Variants in GOLGA8S observed in about 807,000 individuals in gnomAD.
GOLGA8S encodes golgin subfamily A member 8S.
A neutral mutation model predicts 58.9 loss-of-function variants in GOLGA8S; 23 were observed. The observed-to-expected ratio is 0.39, with a 90% CI of 0.28 to 0.55. The LOEUF (loss-of-function observed/expected upper bound fraction) is 0.55, where lower values mean the gene tolerates loss of function less well. Among genes scored for constraint, GOLGA8S ranks in the 20% least tolerant of loss-of-function variants. The pLI is 0.63. For synonymous variants in GOLGA8S, 84 were observed against 195.7 expected, an observed-to-expected ratio of 0.43 and a Z score of 4.76; for missense variants, 266 against 514.2, an observed-to-expected ratio of 0.52 and a Z score of 4.67.
rs563123088 is a variant in GOLGA8S at position 23,365,088 on chromosome 15, G to C, written c.1832G>C (p.Cys611Ser). The C allele has an allele frequency of 4.0e-5, 64 of 1,583,350 alleles. 1 individual carries two copies. In the East Asian group the frequency reaches 1.2e-3, roughly 30 times the overall value. ...CACCCAGGCTTGGGCAACAACTGCT[G>C]TGTGCCATTCTTTTGCTGGGCTTGG... Residue 611 changes from cysteine (C) to serine (S), a missense_variant, in exon 19 of 19, where the codon TGT (cysteine) becomes TCT (serine). Transcript: ENST00000562295.
rs2069866618 is a variant in GOLGA8S, at chr15:23,364,269, C to T, written c.1348-74C>T. The T allele has an allele frequency of 1.2e-5, 19 of 1,583,112 alleles. 2 individuals are homozygous for T. The highest frequency in any genetic ancestry group is 1.6e-5 in the Non-Finnish European group (19 of 1,168,542). ...TGGCCCATGCCAGGACTCACCTCCA[C>T]CTTCTCCATGACTTGAAAATGCCAC... On this transcript the variant is annotated intron_variant, in intron 15 of 18. Coordinates refer to ENST00000562295, the Ensembl canonical transcript of GOLGA8S.
At chr15:23,365,339 C>T, downstream of GOLGA8S, 4 of 628,050 alleles carry the variant, frequency 6.4e-6, no homozygotes, top group Non-Finnish European at 1.1e-5. Context: ...TTCACTCTGG[C>T]ATCCTTTAGC....
downstream of GOLGA8S, chr15:23,366,768 A>C (rs1484724410): frequency 2.7e-5 from 4 of 148,714 alleles, no homozygotes; most frequent in Admixed American, 1.4e-4. Flanking sequence ...CTCAACAGTT[A>C]AAACTTCATG....
At chr15:23,365,305 G>T, downstream of GOLGA8S, 1 of 753,908 alleles carries the variant, frequency 1.3e-6, no homozygotes, top group East Asian at 2.7e-5. Context: ...AAAAGAGAGT[G>T]GGTGTCTGTG....
exon 19 of GOLGA8S, chr15:23,365,103 G>T: frequency 6.3e-7 from 1 of 1,586,798 alleles, no homozygotes; most frequent in Non-Finnish European, 8.5e-7. Context: ...CCATTCTTTT[G>T]CTGGGCTTGG....
Position 23,364,516 on chromosome 15 carries a change from C to A in GOLGA8S, c.1449-10C>A. ...AGGGGCCCCAGCGTCTGAGCCCTGT[C>A]CTCCCGCAGGAAAATCCATCACCTT... is the stretch of plus-strand genomic sequence containing the variant. On this transcript the variant is annotated splice_polypyrimidine_tract_variant and intron_variant, in intron 16 of 18. Transcript: ENST00000562295. 6.2e-7 allele frequency: 1 copy of A among 1,603,404 alleles called. No homozygotes were observed. Among genetic ancestry groups the A allele is most frequent in the Non-Finnish European group, 8.5e-7 (1 of 1,178,862 alleles).
At position 23,357,980 on chromosome 15, in the gene GOLGA8S, T is replaced by C. The variant is rs1481424012; in HGVS notation, c.309+361T>C. Among the ~76,000 whole-genome samples the C allele has an allele frequency of 2.7e-5, 4 of 149,800 alleles. No homozygotes were observed. In the East Asian group the frequency reaches 7.7e-4, roughly 29 times the overall value. Reference sequence around the variant, plus strand: ...GACAAGCCACCTCTCCTTTTTGGGCTCATGTTTCCATGAAGTAGTGAGTAT... The same window carrying C: ...GACAAGCCACCTCTCCTTTTTGGGCCCATGTTTCCATGAAGTAGTGAGTAT... On this transcript the variant is annotated intron_variant, in intron 4 of 18. Coordinates refer to ENST00000562295, the Ensembl canonical transcript of GOLGA8S.
rs62001552 is a variant in GOLGA8S, at chr15:23,365,056, C to G, written c.1800C>G (p.His600Gln). ...CTGCACAGCCGATCGTGCAGGACCA[C>G]CAGGAGCACCCAGGCTTGGGCAACA... The change falls in exon 19 of 19, where the codon CAC (histidine) becomes CAG (glutamine). Residue 600 changes from histidine to glutamine, a missense_variant. Transcript: ENST00000562295. 27 of 1,580,314 alleles carry G rather than the reference C, an allele frequency of 1.7e-5. 1 individual carries two copies. The highest frequency in any genetic ancestry group is 2.3e-5 in the Non-Finnish European group (27 of 1,165,758).
At chr15:23,367,844 T>C (rs1261471285), downstream of GOLGA8S, among the ~76,000 whole-genome samples, 1 of 151,852 alleles carries the variant, frequency 6.6e-6, no homozygotes, top group East Asian at 1.9e-4. Context: ...AACACCTATT[T>C]AAAGATGGCA....
At chr15:23,366,202 A>G (rs1041576098), downstream of GOLGA8S, 1 of 151,684 alleles carries the variant, frequency 6.6e-6, no homozygotes, top group Non-Finnish European at 1.5e-5. Context: ...GCTCTAGTCA[A>G]GAATGAATTA....
chr15:23,366,257 C>T (rs1170624925), downstream of GOLGA8S: 5 of 151,232 alleles, frequency 3.3e-5, no homozygotes, highest in East Asian at 7.8e-4. Context: ...TCTCTGTTCA[C>T]GGAGATTCTT....
At chr15:23,366,886 T>G (rs1344680272), downstream of GOLGA8S, 1 of 141,454 alleles carries the variant, frequency 7.1e-6, no homozygotes, top group African/African-American at 2.6e-5. Flanking sequence ...CATCTCCATT[T>G]TTAGCATTTG....
downstream of GOLGA8S, among the ~76,000 whole-genome samples, chr15:23,368,420 T>C (rs1264876056): frequency 4.6e-5 from 7 of 151,914 alleles, no homozygotes; most frequent in Non-Finnish European, 1.5e-5. Context: ...TGACATGAGA[T>C]AATGTGTTTC....
intron 12 of GOLGA8S, 65 bp downstream of exon 12, chr15:23,361,521 T>G: frequency 1.4e-6 from 1 of 724,990 alleles, no homozygotes; most frequent in Non-Finnish European, 2.5e-6. Context: ...TTTCCCCACC[T>G]ATAAAATGGG....
intron 11 of GOLGA8S, among the ~76,000 whole-genome samples, 174 bp downstream of exon 11, chr15:23,360,989 G>A (rs1354500109): frequency 4.8e-4 from 71 of 149,116 alleles, no homozygotes; most frequent in African/African-American, 1.7e-3. Flanking sequence ...GTCCCCATCA[G>A]CAAAGAGGGC....
chr15:23,361,898 G>A, intron 13 of GOLGA8S, 106 bp downstream of exon 13: 1 of 921,676 alleles, frequency 1.1e-6, no homozygotes, highest in South Asian at 1.3e-5. Context: ...TCCAGCCCAG[G>A]GGCAGGTGAC....
At chr15:23,364,263 C>T in intron 15 of GOLGA8S, 80 bp from the exon 16 acceptor site, 3 of 1,575,248 alleles carry the variant, frequency 1.9e-6, no homozygotes, top group Non-Finnish European at 2.6e-6. Context: ...CCAGGACTCA[C>T]CTCCACCTTC....
chr15:23,361,169 CTTTTT>C (rs149891156), intron 11 of GOLGA8S, 47 bp from the exon 12 acceptor site: 1 of 719,482 alleles, frequency 1.4e-6, no homozygotes, highest in Non-Finnish European at 2.1e-6. Flanking sequence ...CTTTTCTTTT[CTTTTT>C]TTTTTTTTGG....
At chr15:23,365,615 C>G (rs2069907856), downstream of GOLGA8S, 1 of 270,848 alleles carries the variant, frequency 3.7e-6, no homozygotes, top group South Asian at 4.1e-5. Context: ...TAGTTTGCCC[C>G]CAAGCGTGCA....
Sources: allele counts gnomAD v4.1 joint callset (sites outside exome capture counted in the v4.1 genomes callset), GRCh38; gene constraint gnomAD v4.1.1; transcripts MANE v1.5; gene names NCBI Gene and HGNC (gene_info 2026-07-23, HGNC 2026-07-21).